LDLRAD4: variants seen among roughly 807,000 people sequenced by gnomAD.
LDLRAD4 encodes low-density lipoprotein receptor class A domain-containing protein 4.
A neutral mutation model predicts 17.0 loss-of-function variants in LDLRAD4; 5 were observed. The observed-to-expected ratio is 0.29, with a 90% confidence interval of 0.15 to 0.62. The LOEUF is 0.62. LDLRAD4 is among the 20% of genes least tolerant of loss of function. The pLI is 0.84. For missense variants in LDLRAD4, 340 were observed against 424.7 expected, an observed-to-expected ratio of 0.80 and a Z score of 1.75; for synonymous variants, 168 against 171.8, an observed-to-expected ratio of 0.98 and a Z score of 0.17.
chr18:13,519,330 G>C (rs1035378083), intron 3 of LDLRAD4, among the ~76,000 whole-genome samples: 2 of 152,190 alleles, frequency 1.3e-5, no homozygotes, highest in African/African-American at 4.8e-5. Context: ...CAACCTACGT[G>C]GCTCTCCCTG....
chr18:13,341,151 C>T (rs1038195221), intron 1 of LDLRAD4, among the ~76,000 whole-genome samples: 23 of 151,868 alleles, frequency 1.5e-4, no homozygotes, highest in Admixed American at 1.5e-3. Context: ...GTTTTGAAAT[C>T]AGGAATCGTG....
intron 1 of LDLRAD4, among the ~76,000 whole-genome samples, chr18:13,299,848 A>G (rs565168292): frequency 2.0e-5 from 3 of 152,224 alleles, no homozygotes; most frequent in South Asian, 4.2e-4. Context: ...GTCTCTTAAA[A>G]AAAAAAGGTA....
At chr18:13,361,107 A>AG (rs1350744994) in intron 1 of LDLRAD4, among the ~76,000 whole-genome samples, 3 of 152,218 alleles carry the variant, frequency 2.0e-5, no homozygotes, top group Admixed American at 6.5e-5. Context: ...CTCATCAGGA[A>AG]GACCGTCAGC....
intron 3 of LDLRAD4, among the ~76,000 whole-genome samples, chr18:13,492,745 G>A (rs982650734): frequency 2.0e-5 from 3 of 152,186 alleles, no homozygotes; most frequent in African/African-American, 7.2e-5. Context: ...TGCCCTGGGA[G>A]CACCAGGTCA....
In LDLRAD4 at chr18:13,300,190, A is replaced by G. The variant is rs934626126; in HGVS notation, c.-383+22002A>G. On this transcript the variant is annotated intron_variant, in intron 1 of 5. Coordinates refer to ENST00000359446, the Ensembl canonical transcript of LDLRAD4. The surrounding 1 kb of genome is among the most constrained non-coding windows in gnomAD (Gnocchi z 4.2). Reference sequence around the variant, plus strand: ...CTTGTCTCTGGAGAGCCGTGGTTCCAGGGCCAGCAGGTGCCTCCTTACAGT... The same window carrying G: ...CTTGTCTCTGGAGAGCCGTGGTTCCGGGGCCAGCAGGTGCCTCCTTACAGT... Among the ~76,000 whole-genome samples, 6 of 152,182 alleles carry G rather than the reference A, an allele frequency of 3.9e-5. No homozygotes were observed. Among genetic ancestry groups the G allele is most frequent in the Non-Finnish European group, 7.3e-5 (5 of 68,028 alleles).
At chr18:13,383,399 C>T (rs1269799837) in intron 1 of LDLRAD4, among the ~76,000 whole-genome samples, 2 of 152,080 alleles carry the variant, frequency 1.3e-5, no homozygotes, top group South Asian at 2.1e-4. Flanking sequence ...TTTGGGAAGC[C>T]GACCAGGTGC....
intron 1 of LDLRAD4, among the ~76,000 whole-genome samples, chr18:13,242,646 T>TAAAAAATTA (rs1353273620): frequency 6.6e-6 from 1 of 152,136 alleles, no homozygotes; most frequent in Non-Finnish European, 1.5e-5. Context: ...ATTTTTTAAT[T>TAAAAAATTA]AAAAAATTAA....
chr18:13,384,835 T>C (rs545489046), intron 1 of LDLRAD4, among the ~76,000 whole-genome samples: 1 of 152,380 alleles, frequency 6.6e-6, no homozygotes, highest in Non-Finnish European at 1.5e-5. Context: ...TTAAAGGTTG[T>C]ATAGTACTCC....
intron 3 of LDLRAD4, chr18:13,526,499 A>G (rs2094034130): frequency 6.6e-6 from 1 of 152,246 alleles, no homozygotes; most frequent in Non-Finnish European, 1.5e-5. Flanking sequence ...CATTTTCTGT[A>G]TCATGAGATC....
At chr18:13,650,050 C>T (rs931846029) in exon 6 of LDLRAD4, 7 of 398,496 alleles carry the variant, frequency 1.8e-5, no homozygotes, top group Admixed American at 8.8e-5. Flanking sequence ...CGTGGCTTAC[C>T]GTTCGCCATT....
At chr18:13,329,087 G>A (rs4239311) in intron 1 of LDLRAD4, among the ~76,000 whole-genome samples, 151,782 of 152,358 alleles carry the variant, frequency 1, 75,606 homozygotes, top group Middle Eastern at 1. Context: ...GTGTTGTATA[G>A]ATAGATGTTT....
intron 1 of LDLRAD4, among the ~76,000 whole-genome samples, chr18:13,269,847 G>A (rs2146098294): frequency 6.6e-6 from 1 of 152,296 alleles, no homozygotes; most frequent in East Asian, 1.9e-4. Context: ...TGGATGTTCT[G>A]TCCTCCATCC....
chr18:13,256,197 A>C (rs987915991), intron 1 of LDLRAD4, among the ~76,000 whole-genome samples: 1 of 152,204 alleles, frequency 6.6e-6, no homozygotes, highest in Non-Finnish European at 1.5e-5. Flanking sequence ...GTGATTATAT[A>C]TGTTGGCAGG....
chr18:13,571,591 C>T (rs999480132), intron 3 of LDLRAD4, among the ~76,000 whole-genome samples: 6 of 152,132 alleles, frequency 3.9e-5, no homozygotes, highest in African/African-American at 1.2e-4. Context: ...GCCAGTGTTG[C>T]TTTGGATTCT....
At chr18:13,597,601 T>A (rs1288963372) in intron 3 of LDLRAD4, among the ~76,000 whole-genome samples, 1 of 152,152 alleles carries the variant, frequency 6.6e-6, no homozygotes. Flanking sequence ...TCTAAGGCTC[T>A]ACTTGTTTCT....
chr18:13,293,221 A>G (rs898023749), intron 1 of LDLRAD4, among the ~76,000 whole-genome samples: 1 of 152,188 alleles, frequency 6.6e-6, no homozygotes, highest in Non-Finnish European at 1.5e-5. Flanking sequence ...ACCCTTTTCT[A>G]GACATATTCA....
intron 4 of LDLRAD4, among the ~76,000 whole-genome samples, chr18:13,623,596 A>T (rs1238246603): frequency 1.3e-5 from 2 of 152,234 alleles, no homozygotes; most frequent in Admixed American, 1.3e-4. Flanking sequence ...TTCCAGCACG[A>T]TGACCAGAGG....
intron 3 of LDLRAD4, among the ~76,000 whole-genome samples, chr18:13,496,056 T>C (rs541725976): frequency 3.8e-3 from 574 of 152,248 alleles, no homozygotes; most frequent in Non-Finnish European, 6.5e-3. Flanking sequence ...CGAGGAGATT[T>C]GGCTGCGTAT....
chr18:13,402,154 C>A (rs2087282369), intron 2 of LDLRAD4, among the ~76,000 whole-genome samples: 1 of 152,178 alleles, frequency 6.6e-6, no homozygotes, highest in East Asian at 1.9e-4. Context: ...ACGTGCTTTT[C>A]CCTTCTTTTC....
Sources: gnomAD v4.1 joint callset for allele counts (sites outside exome capture counted in the v4.1 genomes callset) on GRCh38, gnomAD v4.1.1 for gene constraint, Gnocchi (gnomAD v3.1) non-coding constraint, MANE v1.5 for transcripts, NCBI Gene and HGNC (gene_info 2026-07-23, HGNC 2026-07-21) for gene names.